CCDC171: variants seen among roughly 807,000 people sequenced by gnomAD.
CCDC171 encodes coiled-coil domain containing 171, also known as coiled-coil domain-containing protein 171.
A neutral mutation model predicts 168.2 loss-of-function variants in CCDC171; 177 were observed. The observed-to-expected ratio is 1.05, with a 90% CI of 0.93 to 1.19. The LOEUF is 1.19. CCDC171 is among the 50% of genes most tolerant of loss of function. CCDC171 has a pLI of 0.00. For missense variants in CCDC171, 1,991 were observed against 1,539.0 expected, an observed-to-expected ratio of 1.29 and a Z score of -4.91; for synonymous variants, 687 against 540.8, an observed-to-expected ratio of 1.27 and a Z score of -3.75.
intron 24 of CCDC171, among the ~76,000 whole-genome samples, chr9:15,902,642 G>A (rs1253943212): frequency 6.6e-6 from 1 of 152,154 alleles, no homozygotes; most frequent in African/African-American, 2.4e-5. Context: ...ATTTCCAACT[G>A]AGGTACCGGG....
the CCDC171 span, among the ~76,000 whole-genome samples, chr9:16,108,851 A>G: frequency 6.6e-6 from 1 of 152,218 alleles, no homozygotes. Flanking sequence ...TGCTGGCGTC[A>G]TGCTTGTACA....
In CCDC171 at chr9:16,025,754, A is replaced by G. The variant is rs553710744; in HGVS notation, n.998+2846A>G. On this transcript the variant is annotated intron_variant and non_coding_transcript_variant, in intron 6 of 9. Transcript: ENST00000486641. Reference sequence around the variant, plus strand: ...TCCAGAAGTGGGAAAATGTATAAAGACAGAAAGCAGATCAGTGGTTGCTGA... The same window carrying G: ...TCCAGAAGTGGGAAAATGTATAAAGGCAGAAAGCAGATCAGTGGTTGCTGA... Among the ~76,000 whole-genome samples, 5 of 152,304 alleles carry G rather than the reference A, an allele frequency of 3.3e-5. No individual in the cohort carries two copies. In the South Asian group the frequency reaches 1.0e-3, roughly 32 times the overall value.
Position 15,603,104 on chromosome 9 carries a change from C to T in CCDC171, c.675+8932C>T, listed in dbSNP as rs374903557. On this transcript the variant is annotated intron_variant, in intron 6 of 25. Transcript: ENST00000380701. ...TCATGCTATTCTCCTGCCTCAGCCT[C>T]CCGAGTGGCTGGGCCTACAGGCGCC... 4.6e-3 allele frequency among the ~76,000 whole-genome samples: 698 copies of T among 152,274 alleles called. 7 individuals carry two copies. The highest frequency in any genetic ancestry group is 0.016 in the African/African-American group (663 of 41,552).
At chr9:15,600,743 A>G (rs10810407) in intron 6 of CCDC171, among the ~76,000 whole-genome samples, 61,399 of 152,090 alleles carry the variant, frequency 0.4, 14,184 homozygotes, top group East Asian at 0.75. Flanking sequence ...GGTGGAGTCT[A>G]CAGAGGCAGG....
chr9:15,578,899 G>C lies in CCDC171; in HGVS notation c.228G>C (p.Lys76Asn). 1.2e-6 allele frequency: 2 copies of C among 1,613,940 alleles called. No individual in the cohort carries two copies. Among genetic ancestry groups the C allele is most frequent in the Non-Finnish European group, 1.7e-6 (2 of 1,179,916 alleles). ...QIAKLRSEVE[K>N]GEALRQSLEY... The stretch of plus-strand genomic sequence containing the variant: ...CCAAGCTACGGTCCGAGGTTGAAAA[G>C]GGAGAAGCATTGCGACAAAGTCTGG... The change falls in exon 4 of 26, where the codon AAG becomes AAC. Residue 76 changes from lysine to asparagine, a missense_variant. By Grantham distance (94) the Lys-to-Asn change is moderately conservative. Coordinates refer to ENST00000380701, the MANE Select transcript of CCDC171 (RefSeq NM_173550.4).
intron 4 of CCDC171, among the ~76,000 whole-genome samples, chr9:15,585,478 C>A (rs1189681943): frequency 6.6e-6 from 1 of 152,116 alleles, no homozygotes; most frequent in Non-Finnish European, 1.5e-5. Flanking sequence ...AAACTTTACA[C>A]TCAAGAGGAC....
At chr9:15,890,968 G>T (rs540205123) in intron 24 of CCDC171, among the ~76,000 whole-genome samples, 37 of 152,086 alleles carry the variant, frequency 2.4e-4, no homozygotes, top group African/African-American at 8.2e-4. Context: ...CTTAATAAAG[G>T]CATAAAATAT....
chr9:15,948,172 T>G (rs1828664092), intron 25 of CCDC171, among the ~76,000 whole-genome samples: 1 of 151,638 alleles, frequency 6.6e-6, no homozygotes, highest in Non-Finnish European at 1.5e-5. Flanking sequence ...TTTTTATGGC[T>G]GCATAGTATT....
intron 24 of CCDC171, among the ~76,000 whole-genome samples, chr9:15,902,196 T>C (rs1289871200): frequency 6.6e-6 from 1 of 151,542 alleles, no homozygotes; most frequent in East Asian, 1.9e-4. Context: ...TGGAAATATT[T>C]CCAGAATTAT....
At chr9:15,707,436 A>T (rs1192857805) in intron 11 of CCDC171, among the ~76,000 whole-genome samples, 1 of 152,246 alleles carries the variant, frequency 6.6e-6, no homozygotes, top group Non-Finnish European at 1.5e-5. Flanking sequence ...TCATCTATTC[A>T]GAGTATGTTA....
chr9:15,838,939 A>G (rs979182091), intron 21 of CCDC171, among the ~76,000 whole-genome samples: 14 of 152,172 alleles, frequency 9.2e-5, no homozygotes, highest in Non-Finnish European at 1.8e-4. Context: ...TCAAATTTTA[A>G]GATCTACAGG....
In CCDC171 at chr9:15,644,048, T is replaced by C. The variant is rs1039386600; in HGVS notation, c.823-13079T>C. The stretch of plus-strand genomic sequence containing the variant: ...TGGTGCTATAAACTTTTGTGCATAA[T>C]TTTTTGAATCTGTTTTCATTTCTCT... On this transcript the variant is annotated intron_variant, in intron 7 of 25. Coordinates refer to ENST00000380701, the MANE Select transcript of CCDC171 (RefSeq NM_173550.4). Among the ~76,000 whole-genome samples the C allele has an allele frequency of 5.3e-5, 8 of 152,204 alleles. No homozygotes were observed. The East Asian group carries it at 1.2e-3, about 22-fold the overall frequency.
chr9:15,890,160 C>CA (rs1229321733), intron 24 of CCDC171, among the ~76,000 whole-genome samples: 2 of 149,728 alleles, frequency 1.3e-5, no homozygotes, highest in African/African-American at 5.0e-5. Context: ...AAAGGTAACT[C>CA]AAACTTTTTT....
chr9:15,884,436 C>A (rs1158078541), intron 24 of CCDC171, among the ~76,000 whole-genome samples: 1 of 152,034 alleles, frequency 6.6e-6, no homozygotes, highest in Non-Finnish European at 1.5e-5. Flanking sequence ...CTTTAAAAGA[C>A]AAGAAAGTAA....
intron 1 of CCDC171, among the ~76,000 whole-genome samples, chr9:16,046,658 G>C (rs572639305): frequency 2.0e-5 from 3 of 152,100 alleles, no homozygotes; most frequent in Non-Finnish European, 4.4e-5. Flanking sequence ...TGTCCTCATG[G>C]TAGTGAATAA....
At chr9:15,586,675 G>T (rs2041586509) in intron 4 of CCDC171, among the ~76,000 whole-genome samples, 1 of 152,180 alleles carries the variant, frequency 6.6e-6, no homozygotes, top group Non-Finnish European at 1.5e-5. Flanking sequence ...CTTAAGAATT[G>T]CTAGTGGAAG....
chr9:15,646,645 A>G (rs1432020605), intron 7 of CCDC171, among the ~76,000 whole-genome samples: 1 of 126,858 alleles, frequency 7.9e-6, no homozygotes, highest in Admixed American at 9.2e-5. Flanking sequence ...AGATCAAAAG[A>G]GACAAAGAAG....
At chr9:15,983,166 A>G (rs566169066) in intron 3 of CCDC171, among the ~76,000 whole-genome samples, 21 of 152,166 alleles carry the variant, frequency 1.4e-4, no homozygotes, top group African/African-American at 4.8e-4. Context: ...ATCTTTTCAG[A>G]ACCCCCTTCC....
chr9:15,903,662 A>C (rs968960943), intron 24 of CCDC171, among the ~76,000 whole-genome samples: 1 of 152,224 alleles, frequency 6.6e-6, no homozygotes, highest in Non-Finnish European at 1.5e-5. Context: ...CAGCAACGGA[A>C]GAAAGCTGGA....
Sources: gnomAD v4.1 joint callset for allele counts (sites outside exome capture counted in the v4.1 genomes callset) on GRCh38, gnomAD v4.1.1 for gene constraint, MANE v1.5 for transcripts, NCBI Gene and HGNC (gene_info 2026-07-23, HGNC 2026-07-21) for gene names.